GPC3: variants seen among roughly 807,000 people sequenced by gnomAD.
GPC3 encodes the protein glypican-3.
A neutral mutation model predicts 34.4 loss-of-function variants in GPC3; 3 were observed. That is an observed-to-expected ratio of 0.09 (90% confidence interval 0.04 to 0.23). The LOEUF is 0.23. GPC3 is among the 10% of genes least tolerant of loss of function. The pLI is 1.00. For missense variants in GPC3, 351 were observed against 445.6 expected (o/e 0.79, Z 1.91); for synonymous variants, 177 against 174.0 (o/e 1.02, Z -0.13).
chrX:133,589,504 G>A (rs1802624208), intron 7 of GPC3, among the ~76,000 whole-genome samples: 1 of 111,329 alleles, frequency 9.0e-6, no homozygotes. Flanking sequence ...AGCCTCCCGA[G>A]GAGCTGGGAT....
chrX:133,628,732 A>G (rs1046736979), intron 6 of GPC3, among the ~76,000 whole-genome samples: 2 of 111,358 alleles, frequency 1.8e-5, no homozygotes, highest in Non-Finnish European at 3.8e-5. Context: ...TATAAACATT[A>G]CTAAAGAGCC....
At chrX:133,645,335 C>T (rs772172751) in intron 6 of GPC3, among the ~76,000 whole-genome samples, 2 of 111,583 alleles carry the variant, frequency 1.8e-5, no homozygotes, top group Non-Finnish European at 3.8e-5. Flanking sequence ...ATTCACCTGG[C>T]GATTGTTTGC....
intron 2 of GPC3, among the ~76,000 whole-genome samples, chrX:133,785,910 C>A (rs1179902286): frequency 8.9e-6 from 1 of 112,018 alleles, no homozygotes; most frequent in Non-Finnish European, 1.9e-5. Context: ...GACTATATGG[C>A]AGTCTCTTCA....
chrX:133,682,891 C>T (rs950070240), intron 5 of GPC3, among the ~76,000 whole-genome samples: 2 of 106,284 alleles, frequency 1.9e-5, no homozygotes, highest in African/African-American at 3.5e-5. Context: ...CGCTTGAATC[C>T]GGGAGGCTGA....
chrX:133,731,403 A>G (rs190842160), intron 3 of GPC3, among the ~76,000 whole-genome samples: 219 of 112,970 alleles, frequency 1.9e-3, no homozygotes, highest in Non-Finnish European at 3.0e-3. Flanking sequence ...TATAGTACAA[A>G]AGCAAACTTC....
chrX:133,847,685 C>G (rs960768668), intron 2 of GPC3, among the ~76,000 whole-genome samples: 20 of 112,046 alleles, frequency 1.8e-4, no homozygotes, highest in Non-Finnish European at 3.2e-4. Flanking sequence ...GTTTTCCAAA[C>G]TAGAACTAGT....
In GPC3 at chrX:133,692,386, T is replaced by C. The variant is rs749258552; in HGVS notation, c.1275A>G (p.Gly425=). ...AAGATCACCTCTCCACGAGTTCTTG[T>C]CCATTCCAGCAAAGGGTGTCGTTTT... ...VAENDTLCWN[G]QELVERYSQK... is the part of the protein sequence containing the mutation. Residue 425 remains glycine (G), a synonymous_variant, in exon 5 of 8, where the codon GGA becomes GGG. Coordinates refer to ENST00000370818, the MANE Select transcript of GPC3 (RefSeq NM_004484.4). 7.4e-6 allele frequency: 9 copies of C among 1,210,556 alleles called. No homozygotes were observed. Among genetic ancestry groups the C allele is most frequent in the Non-Finnish European group, 1.0e-5 (9 of 894,742 alleles).
Position 133,723,664 on chromosome X carries a change from C to G in GPC3, c.1033-23636G>C, listed in dbSNP as rs759268490. On this transcript the variant is annotated intron_variant, in intron 3 of 7. Coordinates refer to ENST00000370818, the MANE Select transcript of GPC3 (RefSeq NM_004484.4). ...CTCGTTGTTTAAAAGAATGTGTCAC[C>G]TTCTCCCTCTCTCCCTTGCTCCCTC... 3.6e-5 allele frequency among the ~76,000 whole-genome samples: 4 copies of G among 111,020 alleles called. No individual in the cohort carries two copies. In the South Asian group the frequency reaches 1.6e-3, roughly 43 times the overall value.
chrX:133,729,905 A>G (rs879185500), intron 3 of GPC3, among the ~76,000 whole-genome samples: 2 of 112,659 alleles, frequency 1.8e-5, no homozygotes, highest in Admixed American at 1.9e-4. Context: ...AGGTATAAAG[A>G]AAGTTTCTGT....
At chrX:133,619,427 C>T (rs1476943318) in intron 6 of GPC3, among the ~76,000 whole-genome samples, 1 of 112,141 alleles carries the variant, frequency 8.9e-6, no homozygotes, top group African/African-American at 3.2e-5. Context: ...AAGGTGGAAA[C>T]AGCCAAAATG....
chrX:133,825,412 T>C (rs911711368), intron 2 of GPC3, among the ~76,000 whole-genome samples: 4 of 111,899 alleles, frequency 3.6e-5, no homozygotes, highest in Non-Finnish European at 5.6e-5. Flanking sequence ...TCTCAAATAA[T>C]TGTCATTATG....
chrX:133,790,295 C>A (rs2072146564), intron 2 of GPC3, among the ~76,000 whole-genome samples: 1 of 102,719 alleles, frequency 9.7e-6, no homozygotes, highest in African/African-American at 3.6e-5. Flanking sequence ...GGAAGAATTT[C>A]TTCCCCTCCC....
intron 2 of GPC3, among the ~76,000 whole-genome samples, chrX:133,764,664 T>C (rs759505447): frequency 5.4e-5 from 6 of 111,965 alleles, no homozygotes; most frequent in Non-Finnish European, 1.9e-5. Flanking sequence ...ACATGAAAAC[T>C]TGTTTCTTAA....
At chrX:133,539,696 C>G (rs2069325500) in intron 7 of GPC3, among the ~76,000 whole-genome samples, 1 of 112,177 alleles carries the variant, frequency 8.9e-6, no homozygotes, top group Admixed American at 9.5e-5. Context: ...TGCAGGTTTC[C>G]TGAGGCTCTT....
At chrX:133,752,173 T>C (rs2124478841) in intron 3 of GPC3, among the ~76,000 whole-genome samples, 1 of 111,428 alleles carries the variant, frequency 9.0e-6, no homozygotes, top group South Asian at 3.8e-4. Flanking sequence ...TGGCCACATA[T>C]ATTTCAAAGT....
chrX:133,773,057 T>G (rs938472100), intron 2 of GPC3, among the ~76,000 whole-genome samples: 6 of 110,189 alleles, frequency 5.4e-5, no homozygotes, highest in Admixed American at 4.8e-4. Context: ...ATTTTTATTT[T>G]TATTATTATT....
chrX:133,663,083 A>G (rs1251037812), intron 5 of GPC3, among the ~76,000 whole-genome samples: 1 of 111,365 alleles, frequency 9.0e-6, no homozygotes, highest in East Asian at 2.9e-4. Context: ...TTTCACCTAC[A>G]TATACTAATA....
chrX:133,693,221 G>A (rs1353778230), intron 4 of GPC3, among the ~76,000 whole-genome samples: 3 of 108,123 alleles, frequency 2.8e-5, no homozygotes, highest in Non-Finnish European at 5.8e-5. Context: ...GAGAGAGAAA[G>A]AGAGAGTGAC....
intron 7 of GPC3, among the ~76,000 whole-genome samples, chrX:133,566,537 C>A (rs1162397878): frequency 8.9e-6 from 1 of 111,953 alleles, no homozygotes; most frequent in Non-Finnish European, 1.9e-5. Context: ...ATACTTGCCT[C>A]TCCACCCTTC....
Sources: gnomAD v4.1 joint callset for allele counts (sites outside exome capture counted in the v4.1 genomes callset) on GRCh38, gnomAD v4.1.1 for gene constraint, MANE v1.5 for transcripts, NCBI Gene and HGNC (gene_info 2026-07-23, HGNC 2026-07-21) for gene names.